The following NUBPL variants were observed in gnomAD, a reference collection of about 807,000 sequenced individuals.
NUBPL encodes the protein iron-sulfur cluster transfer protein NUBPL.
Under a neutral mutation model 45.7 loss-of-function variants are expected in NUBPL, and 31 were observed. The ratio of observed to expected loss-of-function variants is 0.68; its 90% CI spans 0.51 to 0.92. The LOEUF is 0.92. NUBPL is among the 40% of genes least tolerant of loss of function. The probability of loss-of-function intolerance (pLI) is 0.00; values close to 1 mark genes in which losing one functional copy is unlikely to be tolerated. For missense variants in NUBPL, 401 were observed against 398.7 expected (o/e 1.01, Z -0.05); for synonymous variants, 144 against 140.9 (o/e 1.02, Z -0.15).
chr14:31,716,290 C>T (rs1009731069), intron 6 of NUBPL, among the ~76,000 whole-genome samples: 1 of 152,218 alleles, frequency 6.6e-6, no homozygotes, highest in African/African-American at 2.4e-5. Context: ...AAAAAGTATA[C>T]TGTAGTAAAT....
Position 31,847,806 on chromosome 14 carries a change from A to C in NUBPL, c.814+1215A>C, listed in dbSNP as rs149062999. Among the ~76,000 whole-genome samples, 532 of 152,340 alleles carry C rather than the reference A, an allele frequency of 3.5e-3. 3 individuals are homozygous for C. Among genetic ancestry groups the C allele is most frequent in the African/African-American group, 0.012 (499 of 41,584 alleles). On this transcript the variant is annotated intron_variant, in intron 9 of 10. Transcript: ENST00000281081. ...GCACTATAGCAGCCACTACAATACC[A>C]GGTGAATACTAATGATATATTTTGA...
intron 6 of NUBPL, among the ~76,000 whole-genome samples, chr14:31,749,762 T>G (rs1350986942): frequency 6.6e-6 from 1 of 152,220 alleles, no homozygotes; most frequent in Non-Finnish European, 1.5e-5. Flanking sequence ...CTTGGGAAAC[T>G]TACAACTGTA....
chr14:31,731,256 T>C (rs2139976352), intron 6 of NUBPL, among the ~76,000 whole-genome samples: 1 of 152,296 alleles, frequency 6.6e-6, no homozygotes, highest in East Asian at 1.9e-4. Context: ...CAGTTCACAA[T>C]GCAATGTGGA....
At chr14:31,858,473 A>G (rs2139026315) in intron 10 of NUBPL, among the ~76,000 whole-genome samples, 1 of 152,358 alleles carries the variant, frequency 6.6e-6, no homozygotes, top group Non-Finnish European at 1.5e-5. Flanking sequence ...AAATGCAAAT[A>G]TCATTACCAT....
chr14:31,757,097 G>T (rs2038683815), intron 6 of NUBPL, among the ~76,000 whole-genome samples: 1 of 151,622 alleles, frequency 6.6e-6, no homozygotes, highest in South Asian at 2.1e-4. Context: ...GCTGGATTCG[G>T]TTTGCCAGTA....
At chr14:31,645,765 A>G (rs556521325) in intron 4 of NUBPL, among the ~76,000 whole-genome samples, 215 of 135,390 alleles carry the variant, frequency 1.6e-3, no homozygotes, top group Middle Eastern at 0.015. Context: ...TAAAACTTCT[A>G]TACTTTACAC....
intron 8 of NUBPL, among the ~76,000 whole-genome samples, chr14:31,826,989 A>T (rs763172776): frequency 2.0e-5 from 3 of 152,214 alleles, no homozygotes; most frequent in Non-Finnish European, 4.4e-5. Flanking sequence ...TGACAAAAAA[A>T]ATTACAAGAG....
At chr14:31,817,048 A>G (rs1192810837) in intron 7 of NUBPL, among the ~76,000 whole-genome samples, 1 of 152,010 alleles carries the variant, frequency 6.6e-6, no homozygotes, top group Non-Finnish European at 1.5e-5. Context: ...GGTTATCAGT[A>G]TCCTAATTGA....
intron 10 of NUBPL, among the ~76,000 whole-genome samples, chr14:31,858,078 A>C (rs8003582): frequency 0.6 from 91,615 of 152,162 alleles, 29,794 homozygotes; most frequent in African/African-American, 0.87. Flanking sequence ...CTAGGAAGGC[A>C]TCACAATCAT....
intron 4 of NUBPL, among the ~76,000 whole-genome samples, chr14:31,663,208 A>G (rs1457585860): frequency 6.6e-6 from 1 of 152,134 alleles, no homozygotes; most frequent in Non-Finnish European, 1.5e-5. Flanking sequence ...CTCTGATGAT[A>G]GTTTTCTTTT....
chr14:31,705,364 C>T (rs918428349), intron 6 of NUBPL, among the ~76,000 whole-genome samples: 2 of 152,226 alleles, frequency 1.3e-5, no homozygotes, highest in Non-Finnish European at 1.5e-5. Flanking sequence ...GGGTCGCCGG[C>T]TGCTGGCTGG....
intron 2 of NUBPL, among the ~76,000 whole-genome samples, chr14:31,564,808 C>A (rs571418795): frequency 1.7e-4 from 26 of 152,018 alleles, no homozygotes; most frequent in African/African-American, 6.3e-4. Flanking sequence ...TACTTTTTTA[C>A]TTTTCTTTTT....
chr14:31,585,982 T>A (rs1157960158), intron 3 of NUBPL, among the ~76,000 whole-genome samples: 1 of 152,240 alleles, frequency 6.6e-6, no homozygotes, highest in Non-Finnish European at 1.5e-5. Context: ...AATTAAAACA[T>A]GTTTTGTATC....
At chr14:31,831,541 G>T (rs2040193665) in intron 8 of NUBPL, among the ~76,000 whole-genome samples, 2 of 131,718 alleles carry the variant, frequency 1.5e-5, no homozygotes, top group Non-Finnish European at 3.3e-5. Flanking sequence ...TAAGCTCTAT[G>T]ACCACCTGTC....
chr14:31,613,482 C>T (rs139987334), intron 4 of NUBPL, among the ~76,000 whole-genome samples: 5 of 150,764 alleles, frequency 3.3e-5, no homozygotes, highest in South Asian at 2.1e-4. Flanking sequence ...GGTGGAGTCT[C>T]GCTCCTTAGC....
chr14:31,791,652 A>G (rs2039385006), intron 7 of NUBPL, among the ~76,000 whole-genome samples: 1 of 151,974 alleles, frequency 6.6e-6, no homozygotes, highest in Admixed American at 6.6e-5. Flanking sequence ...GACATGTATG[A>G]CTGTAATCCA....
At chr14:31,662,280 TTTATTTTATTTTATTTTAC>T in intron 4 of NUBPL, 3 of 113,922 alleles carry the variant, frequency 2.6e-5, no homozygotes, top group Non-Finnish European at 6.6e-5. Flanking sequence ...AATATTTATA[TTTATTTTATTTTATTTTAC>T]TTTATTTTAT....
intron 7 of NUBPL, among the ~76,000 whole-genome samples, chr14:31,805,106 C>T (rs149120862): frequency 0.015 from 2,277 of 151,780 alleles, 25 homozygotes; most frequent in Non-Finnish European, 0.02. Flanking sequence ...GCAAAGGACA[C>T]GAACAGACAC....
chr14:31,582,386 CTT>C (rs57392617), intron 3 of NUBPL, among the ~76,000 whole-genome samples: 9 of 138,924 alleles, frequency 6.5e-5, no homozygotes, highest in Admixed American at 7.2e-5. Context: ...AATTTGTGTA[CTT>C]TTTTTTTTTT....
Sources: gnomAD v4.1 joint callset for allele counts (sites outside exome capture counted in the v4.1 genomes callset) on GRCh38, gnomAD v4.1.1 for gene constraint, MANE v1.5 for transcripts, NCBI Gene and HGNC (gene_info 2026-07-23, HGNC 2026-07-21) for gene names.